The following MGA variants were observed in gnomAD, a reference collection of about 807,000 sequenced individuals.
MGA encodes MAX dimerization protein MGA.
A neutral mutation model predicts 261.1 loss-of-function variants in MGA; 40 were observed. The observed-to-expected ratio is 0.15, with a 90% CI of 0.12 to 0.20. MGA has a LOEUF of 0.20. MGA is among the 10% of genes least tolerant of loss of function. The pLI is 1.00. For synonymous variants in MGA, 1,302 were observed against 1,290.6 expected (o/e 1.01, Z -0.19); for missense variants, 3,397 against 3,630.5 (o/e 0.94, Z 1.65).
At chr15:41,739,781 C>T in intron 13 of MGA, 125 bp from the exon 14 acceptor site, 3 of 933,846 alleles carry the variant, frequency 3.2e-6, no homozygotes, top group Non-Finnish European at 4.6e-6. Flanking sequence ...AAGTCTACTT[C>T]TTTTTCCCTT....
In MGA at chr15:41,691,136, C is replaced by T. The variant is rs185659654; in HGVS notation, c.1065-4939C>T. Among the ~76,000 whole-genome samples the T allele has an allele frequency of 9.3e-5, 14 of 150,078 alleles. No homozygotes were observed. The East Asian group carries it at 2.7e-3, about 29-fold the overall frequency. ...TTGTAGATCACTTTAGGGATTATTG[C>T]TGTTTTACCAATATGAAATATTTTT... is the stretch of plus-strand genomic sequence containing the variant. On this transcript the variant is annotated intron_variant, in intron 2 of 23. Transcript: ENST00000219905.
At chr15:41,693,583 T>C (rs1249862198) in intron 2 of MGA, among the ~76,000 whole-genome samples, 1 of 152,088 alleles carries the variant, frequency 6.6e-6, no homozygotes, top group Non-Finnish European at 1.5e-5. Flanking sequence ...GGTTAGCAAG[T>C]AGTGAAAAAA....
At chr15:41,720,839 A>AT (rs1003684664) in intron 9 of MGA, among the ~76,000 whole-genome samples, 17 of 152,194 alleles carry the variant, frequency 1.1e-4, no homozygotes, top group African/African-American at 3.9e-4. Context: ...ATAAAATAAA[A>AT]TAAAATAATA....
In MGA at chr15:41,767,357, G is replaced by T. The variant is rs2063852302; in HGVS notation, c.*77G>T. ...CTCCTTTCTCTGCAGGCATCTGTTT[G>T]TTTGTGTCTTAGAACTTGGATCCTT... is the stretch of plus-strand genomic sequence containing the variant. On this transcript the variant is annotated 3_prime_UTR_variant, in exon 24 of 24. Coordinates refer to ENST00000219905, the MANE Select transcript of MGA (RefSeq NM_001164273.2). 3.4e-6 allele frequency: 5 copies of T among 1,460,294 alleles called. No individual in the cohort carries two copies. In the Admixed American group the frequency reaches 6.2e-5, roughly 18 times the overall value. The allele number at this position is 1,460,294 out of a possible 1,614,324, so 90.5% of individuals were successfully genotyped here.
intron 1 of MGA, among the ~76,000 whole-genome samples, chr15:41,625,201 A>G (rs2056418585): frequency 6.6e-6 from 1 of 152,218 alleles, no homozygotes; most frequent in African/African-American, 2.4e-5. Flanking sequence ...CCATAAAGAC[A>G]AAGATGACAA....
intron 2 of MGA, among the ~76,000 whole-genome samples, chr15:41,687,822 C>T (rs2059049925): frequency 6.6e-6 from 1 of 151,910 alleles, no homozygotes; most frequent in African/African-American, 2.4e-5. Flanking sequence ...TCTATAAAGG[C>T]TTATCAAGTA....
rs534870794 is a variant in MGA at position 41,693,931 on chromosome 15, G to A, written c.1065-2144G>A. ...ATATTTAATTTTATTGCCTTTTCTTGTGATTTTGCCCCTCAAATCACTGCC... is the reference window on the plus strand; with the variant it reads ...ATATTTAATTTTATTGCCTTTTCTTATGATTTTGCCCCTCAAATCACTGCC... On this transcript the variant is annotated intron_variant, in intron 2 of 23. Coordinates refer to ENST00000219905, the MANE Select transcript of MGA (RefSeq NM_001164273.2). 5.9e-5 allele frequency among the ~76,000 whole-genome samples: 9 copies of A among 152,144 alleles called. No individual in the cohort carries two copies. In the South Asian group the frequency reaches 1.9e-3, roughly 32 times the overall value.
At position 41,750,596 on chromosome 15, in the gene MGA, A is replaced by G; in HGVS notation, c.6989A>G (p.Glu2330Gly). The G allele has an allele frequency of 6.2e-7, 1 of 1,607,782 alleles. No homozygotes were observed. Residue 2330 changes from glutamate (E) to glycine (G), a missense_variant, in exon 17 of 24, where the codon GAG becomes GGG. By Grantham distance (98) the Glu-to-Gly change is moderately conservative (BLOSUM62 -2). This residue lies in a region of MGA where 1,410 missense variants were observed against 1,386.4 expected (regional missense o/e 1.02). Transcript: ENST00000219905. ...GTTGTTTCTGACTACCAGAGTGAGG[A>G]GGTTGATGATGTAGAAAAGGTGGTG... is the stretch of plus-strand genomic sequence containing the variant.
Position 41,640,084 on chromosome 15 carries a change from A to G in MGA, c.-68+18786A>G, listed in dbSNP as rs189655380. Reference sequence around the variant, plus strand: ...CAGCAAGGGCATCAAGGCAGGCTTCATGAAAATACTCGACTTTAAGAATGA... The same window carrying G: ...CAGCAAGGGCATCAAGGCAGGCTTCGTGAAAATACTCGACTTTAAGAATGA... On this transcript the variant is annotated intron_variant, in intron 1 of 8. Transcript: ENST00000566718. Among the ~76,000 whole-genome samples, 6 of 152,324 alleles carry G rather than the reference A, an allele frequency of 3.9e-5. No homozygotes were observed. The East Asian group carries it at 9.6e-4, about 24-fold the overall frequency.
intron 2 of MGA, among the ~76,000 whole-genome samples, chr15:41,673,497 C>A (rs1020231920): frequency 6.7e-6 from 1 of 150,348 alleles, no homozygotes; most frequent in Non-Finnish European, 1.5e-5. Context: ...GGATTACAGG[C>A]GTGAGCTACC....
At chr15:41,644,819 G>A (rs750700787) in intron 1 of MGA, among the ~76,000 whole-genome samples, 2 of 152,192 alleles carry the variant, frequency 1.3e-5, no homozygotes, top group Non-Finnish European at 2.9e-5. Flanking sequence ...CTGATGTCCA[G>A]TGTTGTATAG....
chr15:41,655,833 G>A (rs1214840442), upstream of MGA, among the ~76,000 whole-genome samples: 1 of 152,140 alleles, frequency 6.6e-6, no homozygotes, highest in Admixed American at 6.5e-5. Context: ...GTTTGCCAAA[G>A]CCAGGGATAT....
upstream of MGA, among the ~76,000 whole-genome samples, chr15:41,658,000 C>G (rs1275095356): frequency 6.6e-6 from 1 of 152,120 alleles, no homozygotes; most frequent in Non-Finnish European, 1.5e-5. Flanking sequence ...TTCCCCTATC[C>G]TCAGCATATA....
rs770873601 is a variant in MGA at position 41,748,683 on chromosome 15, C to G, written c.5259C>G (p.Asn1753Lys). The G allele has an allele frequency of 2.5e-6, 4 of 1,613,964 alleles. No homozygotes were observed. Among genetic ancestry groups the G allele is most frequent in the Non-Finnish European group, 2.5e-6 (3 of 1,179,892 alleles). ...TGGCTACTCCACAGGTCTCTCCTAA[C>G]ACAGTGAAACGTGCTGGACCTCGAT... Residue 1753 changes from asparagine (N) to lysine (K), a missense_variant, in exon 16 of 24, where the codon AAC becomes AAG. This residue lies in a region of MGA where 1,410 missense variants were observed against 1,386.4 expected (regional missense o/e 1.02). Coordinates refer to ENST00000219905, the MANE Select transcript of MGA (RefSeq NM_001164273.2).
intron 5 of MGA, among the ~76,000 whole-genome samples, chr15:41,702,659 G>C (rs1383786776): frequency 2.6e-5 from 4 of 152,146 alleles, no homozygotes; most frequent in Non-Finnish European, 5.9e-5. Flanking sequence ...TTATATTGTT[G>C]TTGGTAGTTT....
chr15:41,727,044 G>T, intron 9 of MGA, 136 bp from the exon 10 acceptor site: 2 of 620,668 alleles, frequency 3.2e-6, no homozygotes, highest in Non-Finnish European at 2.8e-6. Context: ...CCTTTGTTTG[G>T]GGAGGGGGTC....
intron 1 of MGA, among the ~76,000 whole-genome samples, chr15:41,665,827 C>T (rs939328226): frequency 1.3e-5 from 2 of 152,152 alleles, no homozygotes; most frequent in Non-Finnish European, 2.9e-5. Flanking sequence ...TCTAGATTTG[C>T]CTGTGTTGGA....
intron 11 of MGA, among the ~76,000 whole-genome samples, chr15:41,733,006 T>C (rs533970135): frequency 1.3e-5 from 2 of 152,330 alleles, no homozygotes; most frequent in African/African-American, 4.8e-5. Context: ...CCACCCAGGC[T>C]GGAGTGCAGT....
rs747252982 is a variant in MGA, at chr15:41,749,422, C to T, written c.5815C>T (p.Leu1939Phe). The T allele has an allele frequency of 3.0e-5, 49 of 1,613,914 alleles. No individual in the cohort carries two copies. Among genetic ancestry groups the T allele is most frequent in the Non-Finnish European group, 4.1e-5 (48 of 1,179,910 alleles). Reference sequence around the variant, plus strand: ...TGTTGGTACAGCCAGTCTTATTCCTCTCCAGTCTGGTAGTTTTGCCTTGTT... The same window carrying T: ...TGTTGGTACAGCCAGTCTTATTCCTTTCCAGTCTGGTAGTTTTGCCTTGTT... Residue 1939 changes from leucine to phenylalanine, a missense_variant, in exon 17 of 24, where the codon CTC becomes TTC. Coordinates refer to ENST00000219905, the MANE Select transcript of MGA (RefSeq NM_001164273.2).
Sources: gnomAD v4.1 joint callset for allele counts (sites outside exome capture counted in the v4.1 genomes callset) on GRCh38, gnomAD v4.1.1 for gene constraint, gnomAD v4.1.1 regional missense constraint, MANE v1.5 for transcripts, NCBI Gene and HGNC (gene_info 2026-07-23, HGNC 2026-07-21) for gene names.